The following RIMS1 variants were observed in gnomAD, a reference collection of about 807,000 sequenced individuals.
The protein encoded by RIMS1 is regulating synaptic membrane exocytosis 1.
A neutral mutation model predicts 214.1 loss-of-function variants in RIMS1; 83 were observed. The ratio of observed to expected loss-of-function variants is 0.39; its 90% CI spans 0.32 to 0.47. The LOEUF is 0.47. Among genes scored for constraint, RIMS1 ranks in the 20% least tolerant of loss-of-function variants. The pLI, the probability that RIMS1 is intolerant of heterozygous loss-of-function variation, is 0.99. For missense variants in RIMS1, 2,050 were observed against 2,161.8 expected (o/e 0.95, Z 1.03); for synonymous variants, 793 against 786.8 (o/e 1.01, Z -0.13).
intron 4 of RIMS1, among the ~76,000 whole-genome samples, chr6:72,106,719 G>A (rs929613748): frequency 1.3e-5 from 2 of 152,110 alleles, no homozygotes; most frequent in African/African-American, 4.8e-5. Flanking sequence ...CAATTACTTT[G>A]TTAAATTACG....
At chr6:71,910,686 C>T (rs144052132) in intron 1 of RIMS1, among the ~76,000 whole-genome samples, 38 of 152,254 alleles carry the variant, frequency 2.5e-4, no homozygotes, top group African/African-American at 7.2e-4. Flanking sequence ...CCTTTGCATA[C>T]GTACTGTGTG....
intron 29 of RIMS1, among the ~76,000 whole-genome samples, chr6:72,366,488 A>G (rs2098024980): frequency 2.6e-5 from 4 of 152,244 alleles, no homozygotes; most frequent in Admixed American, 2.6e-4. Flanking sequence ...TCTTTGTTAC[A>G]TAGTTTGTTT....
intron 29 of RIMS1, among the ~76,000 whole-genome samples, chr6:72,362,139 A>T (rs1441751964): frequency 6.6e-6 from 1 of 152,146 alleles, no homozygotes; most frequent in Non-Finnish European, 1.5e-5. Context: ...TACTATATAC[A>T]CTGAGAAAGG....
intron 1 of RIMS1, among the ~76,000 whole-genome samples, chr6:71,960,801 G>A (rs1336899953): frequency 6.6e-6 from 1 of 152,102 alleles, no homozygotes; most frequent in Non-Finnish European, 1.5e-5. Context: ...AAGAAAGAGA[G>A]TTAGCTAGAG....
intron 4 of RIMS1, among the ~76,000 whole-genome samples, chr6:72,134,181 T>A (rs1231767801): frequency 6.6e-6 from 1 of 152,134 alleles, no homozygotes; most frequent in Non-Finnish European, 1.5e-5. Flanking sequence ...CATAAACCAT[T>A]AGTATTTCAA....
At chr6:72,189,247 A>AC (rs1183491959) in intron 6 of RIMS1, among the ~76,000 whole-genome samples, 1 of 152,124 alleles carries the variant, frequency 6.6e-6, no homozygotes, top group Non-Finnish European at 1.5e-5. Context: ...AAGTATTATC[A>AC]CCTAGTTGGT....
chr6:72,151,472 T>G (rs556325010), intron 4 of RIMS1, among the ~76,000 whole-genome samples: 2 of 152,322 alleles, frequency 1.3e-5, no homozygotes, highest in African/African-American at 4.8e-5. Context: ...AGCTTCCTCA[T>G]TATAACCTAC....
intron 1 of RIMS1, among the ~76,000 whole-genome samples, chr6:71,947,600 G>C (rs1407683341): frequency 6.6e-6 from 1 of 151,932 alleles, no homozygotes; most frequent in Non-Finnish European, 1.5e-5. Flanking sequence ...ATTTAGATAG[G>C]AGCAATAAGT....
chr6:72,109,674 T>G (rs1008718314), intron 4 of RIMS1, among the ~76,000 whole-genome samples: 8 of 152,226 alleles, frequency 5.3e-5, no homozygotes, highest in Non-Finnish European at 1.2e-4. Context: ...TGATGGTAGT[T>G]CCTGTTGCTG....
At chr6:72,371,176 C>T (rs772916456) in intron 29 of RIMS1, among the ~76,000 whole-genome samples, 2 of 151,878 alleles carry the variant, frequency 1.3e-5, no homozygotes, top group Admixed American at 6.6e-5. Flanking sequence ...GCTGTGTGTG[C>T]ACATGTGTGG....
chr6:71,895,887 C>T (rs1333784290), intron 1 of RIMS1, among the ~76,000 whole-genome samples: 1 of 152,034 alleles, frequency 6.6e-6, no homozygotes, highest in Non-Finnish European at 1.5e-5. Context: ...CTATCCAGGT[C>T]AGAAAGATTA....
intron 24 of RIMS1, among the ~76,000 whole-genome samples, chr6:72,285,271 T>A (rs1041749349): frequency 3.3e-5 from 5 of 152,146 alleles, no homozygotes; most frequent in Non-Finnish European, 5.9e-5. Context: ...GGAAGGTAGA[T>A]CAAAGGATCT....
intron 29 of RIMS1, among the ~76,000 whole-genome samples, chr6:72,361,151 C>A (rs533399427): frequency 4.5e-5 from 6 of 132,824 alleles, no homozygotes; most frequent in Non-Finnish European, 9.3e-5. Flanking sequence ...CTCTGTTGCC[C>A]AGGCTGGAGT....
intron 2 of RIMS1, among the ~76,000 whole-genome samples, chr6:72,081,798 C>A (rs1165918937): frequency 6.6e-6 from 1 of 152,126 alleles, no homozygotes; most frequent in African/African-American, 2.4e-5. Flanking sequence ...GTTTTATGAT[C>A]TCTCTTTCGT....
chr6:71,949,748 C>A (rs1238082516), intron 1 of RIMS1, among the ~76,000 whole-genome samples: 1 of 152,156 alleles, frequency 6.6e-6, no homozygotes, highest in East Asian at 1.9e-4. Context: ...AACTGGAATT[C>A]TTTTACACTG....
chr6:72,076,355 T>A (rs1452677280), intron 2 of RIMS1, among the ~76,000 whole-genome samples: 2 of 152,230 alleles, frequency 1.3e-5, no homozygotes, highest in Non-Finnish European at 2.9e-5. Context: ...AAGGGCCATC[T>A]TCCTGGCTTG....
At chr6:72,223,513 C>T (rs915115807) in intron 6 of RIMS1, among the ~76,000 whole-genome samples, 1 of 151,662 alleles carries the variant, frequency 6.6e-6, no homozygotes, top group African/African-American at 2.4e-5. Flanking sequence ...AAAATGTAGC[C>T]AAGTGAAATA....
chr6:72,261,371 G>A (rs1360525851), intron 19 of RIMS1: 8 of 986,834 alleles, frequency 8.1e-6, no homozygotes, highest in Non-Finnish European at 9.6e-6. Flanking sequence ...TTCCCACAAA[G>A]GCATATAACA....
At position 72,175,571 on chromosome 6, in the gene RIMS1, G is replaced by A. The variant is rs554024768; in HGVS notation, c.472-4004G>A. 2.0e-5 allele frequency among the ~76,000 whole-genome samples: 3 copies of A among 152,064 alleles called. No homozygotes were observed. In the East Asian group the frequency reaches 5.8e-4, roughly 29 times the overall value. ...GCCTGTAATCTCAGCTACTCGGGAGGCTGGGGCAGGAGAATCGCTTGAACC... is the reference window on the plus strand; with the variant it reads ...GCCTGTAATCTCAGCTACTCGGGAGACTGGGGCAGGAGAATCGCTTGAACC... On this transcript the variant is annotated intron_variant, in intron 4 of 33. Coordinates refer to ENST00000521978, the MANE Select transcript of RIMS1 (RefSeq NM_014989.7).
Sources: gnomAD v4.1 joint callset for allele counts (sites outside exome capture counted in the v4.1 genomes callset) on GRCh38, gnomAD v4.1.1 for gene constraint, MANE v1.5 for transcripts, NCBI Gene and HGNC (gene_info 2026-07-23, HGNC 2026-07-21) for gene names.